Variants in TRDN observed in about 807,000 individuals in gnomAD.
The protein encoded by TRDN is triadin.
In TRDN, 161 loss-of-function variants were observed where a neutral mutation model predicts 149.7. The observed-to-expected ratio is 1.08, with a 90% confidence interval of 0.95 to 1.23. The LOEUF (loss-of-function observed/expected upper bound fraction) is 1.23. TRDN is among the 50% of genes most tolerant of loss of function. The pLI, the probability that TRDN is intolerant of heterozygous loss-of-function variation, is 0.00. For missense variants in TRDN, 896 were observed against 823.5 expected (o/e 1.09, Z -1.08); for synonymous variants, 294 against 250.5 (o/e 1.17, Z -1.64).
At chr6:123,319,071 T>C (rs1779143729) in intron 23 of TRDN, among the ~76,000 whole-genome samples, 1 of 152,096 alleles carries the variant, frequency 6.6e-6, no homozygotes, top group Non-Finnish European at 1.5e-5. Flanking sequence ...GGGCATTACT[T>C]AAAACCTCAA....
intron 6 of TRDN, 68 bp from the exon 7 acceptor site, chr6:123,512,430 TCA>T: frequency 1.1e-6 from 1 of 934,522 alleles, no homozygotes; most frequent in South Asian, 1.6e-5. Context: ...TCTTTTGACC[TCA>T]GTTTCATAAG....
In TRDN at chr6:123,622,355, G is replaced by T. The variant is rs929091173; in HGVS notation, c.22+14399C>A. The stretch of plus-strand genomic sequence containing the variant: ...CACACACACACACACACAGGCACAC[G>T]CACACACATATAACATACAAAATAT... On this transcript the variant is annotated intron_variant, in intron 1 of 40. Transcript: ENST00000334268. 2.8e-5 allele frequency among the ~76,000 whole-genome samples: 4 copies of T among 144,270 alleles called. No individual in the cohort carries two copies. In the South Asian group the frequency reaches 6.7e-4, roughly 24 times the overall value. 94.6% of individuals were successfully genotyped at this position (144,270 alleles called of 152,430 possible).
At chr6:123,437,656 T>C (rs1488954664) in intron 12 of TRDN, among the ~76,000 whole-genome samples, 1 of 152,122 alleles carries the variant, frequency 6.6e-6, no homozygotes, top group African/African-American at 2.4e-5. Context: ...TCTAAGTTTC[T>C]GTGGAAGAGT....
intron 21 of TRDN, chr6:123,351,011 C>G (rs1416312078): frequency 1.0e-6 from 1 of 982,962 alleles, no homozygotes; most frequent in Non-Finnish European, 1.2e-6. Context: ...GTTTTCAAAT[C>G]AATTGTCTGT....
intron 12 of TRDN, among the ~76,000 whole-genome samples, chr6:123,414,814 GATT>G (rs1288551053): frequency 6.6e-6 from 1 of 152,012 alleles, no homozygotes; most frequent in East Asian, 1.9e-4. Flanking sequence ...AGTACCCTAG[GATT>G]ATTACTGATT....
intron 9 of TRDN, among the ~76,000 whole-genome samples, chr6:123,472,927 A>G (rs969508806): frequency 2.0e-5 from 3 of 152,192 alleles, no homozygotes; most frequent in African/African-American, 7.2e-5. Flanking sequence ...GGACATCCAC[A>G]CCAAAAACCC....
chr6:123,416,002 T>C (rs773384517), intron 12 of TRDN, among the ~76,000 whole-genome samples: 3 of 152,182 alleles, frequency 2.0e-5, no homozygotes, highest in Non-Finnish European at 4.4e-5. Context: ...GTTTTGCAAA[T>C]ACTCCAGGAT....
At chr6:123,621,713 G>A (rs188848997) in intron 1 of TRDN, among the ~76,000 whole-genome samples, 10 of 152,198 alleles carry the variant, frequency 6.6e-5, no homozygotes, top group African/African-American at 2.4e-4. Context: ...AACAAACTTA[G>A]CATAACTATG....
intron 12 of TRDN, among the ~76,000 whole-genome samples, chr6:123,426,823 T>C (rs928131902): frequency 1.3e-5 from 2 of 152,146 alleles, no homozygotes; most frequent in African/African-American, 4.8e-5. Context: ...ACATTAATTA[T>C]TTTTTGAAAA....
chr6:123,387,292 G>A (rs1781941777), intron 14 of TRDN, among the ~76,000 whole-genome samples: 1 of 151,934 alleles, frequency 6.6e-6, no homozygotes, highest in Non-Finnish European at 1.5e-5. Flanking sequence ...AAAAATTAAA[G>A]CTGAGGAAAT....
chr6:123,313,577 C>T (rs535588496), intron 24 of TRDN, among the ~76,000 whole-genome samples: 7 of 151,904 alleles, frequency 4.6e-5, no homozygotes, highest in African/African-American at 1.4e-4. Flanking sequence ...TCAAATTTTC[C>T]GGTACCTGGA....
chr6:123,519,471 TG>T (rs1441497470), intron 5 of TRDN, among the ~76,000 whole-genome samples: 119 of 90,616 alleles, frequency 1.3e-3, no homozygotes, highest in African/African-American at 3.0e-3. Flanking sequence ...CCTGACCCTG[TG>T]GTTTTTTTTT....
At chr6:123,592,122 C>A (rs997817558) in intron 1 of TRDN, among the ~76,000 whole-genome samples, 1 of 152,170 alleles carries the variant, frequency 6.6e-6, no homozygotes, top group Non-Finnish European at 1.5e-5. Flanking sequence ...AGATGGGGGT[C>A]TTAAAATTTT....
At chr6:123,287,034 T>G (rs1777827704) in intron 24 of TRDN, among the ~76,000 whole-genome samples, 1 of 152,098 alleles carries the variant, frequency 6.6e-6, no homozygotes, top group Non-Finnish European at 1.5e-5. Flanking sequence ...TCACCACATA[T>G]AGTGCATAAA....
chr6:123,358,472 C>CT lies in TRDN; in HGVS notation c.1322-5887dup, dbSNP rs926899266. On this transcript the variant is annotated intron_variant, in intron 20 of 40. Transcript: ENST00000334268. The stretch of plus-strand genomic sequence containing the variant: ...CCTTTATTAGCAGTATTAGCAGGTA[C>CT]TTTTTTTTTTTTATGGAGTTTTGCA... 6.2e-3 allele frequency among the ~76,000 whole-genome samples: 900 copies of CT among 144,284 alleles called. 1 individual carries two copies. Among genetic ancestry groups the CT allele is most frequent in the African/African-American group, 0.011 (428 of 39,712 alleles). 94.7% of individuals were successfully genotyped at this position (144,284 alleles called of 152,430 possible). A position where few individuals can be genotyped will look rare whatever the true frequency, so the allele number is the denominator to read the frequency against.
chr6:123,260,544 T>C (rs1776726871), intron 34 of TRDN, 68 bp downstream of exon 34: 3 of 1,430,220 alleles, frequency 2.1e-6, no homozygotes, highest in Non-Finnish European at 2.8e-6. Flanking sequence ...GTTATACATC[T>C]AGAAACTTAA....
intron 5 of TRDN, among the ~76,000 whole-genome samples, chr6:123,519,496 A>AG (rs1318663932): frequency 7.3e-6 from 1 of 136,090 alleles, no homozygotes; most frequent in African/African-American, 2.7e-5. Flanking sequence ...TTTTTTAAAC[A>AG]GGGAAAACAC....
intron 27 of TRDN, among the ~76,000 whole-genome samples, chr6:123,274,085 C>A (rs1562240924): frequency 2.0e-5 from 3 of 152,030 alleles, no homozygotes; most frequent in Non-Finnish European, 2.9e-5. Context: ...AACTTATTTT[C>A]TGAACTTGAT....
intron 24 of TRDN, among the ~76,000 whole-genome samples, chr6:123,281,926 T>A (rs1398552367): frequency 6.6e-6 from 1 of 152,024 alleles, no homozygotes. Context: ...CATGTGGAAG[T>A]CCAGACGCCC....
Sources: allele counts gnomAD v4.1 joint callset (sites outside exome capture counted in the v4.1 genomes callset), GRCh38; gene constraint gnomAD v4.1.1; transcripts MANE v1.5; gene names NCBI Gene and HGNC (gene_info 2026-07-23, HGNC 2026-07-21).